Variants in CNNM1 observed in about 807,000 individuals in gnomAD.
CNNM1 encodes the protein metal transporter CNNM1.
In CNNM1, 44 loss-of-function variants were observed where a neutral mutation model predicts 78.8. The ratio of observed to expected loss-of-function variants is 0.56; its 90% CI spans 0.44 to 0.72. The LOEUF (loss-of-function observed/expected upper bound fraction) is 0.72. CNNM1 is among the 30% of genes least tolerant of loss of function. CNNM1 has a pLI of 0.00. For synonymous variants in CNNM1, 584 were observed against 581.5 expected (o/e 1.00, Z -0.06); for missense variants, 1,101 against 1,292.2 (o/e 0.85, Z 2.27).
At chr10:99,387,636 G>A (rs981948925) in intron 7 of CNNM1, among the ~76,000 whole-genome samples, 184 bp from the exon 8 acceptor site, 1 of 152,192 alleles carries the variant, frequency 6.6e-6, no homozygotes, top group Non-Finnish European at 1.5e-5. Context: ...GACCAGCAAA[G>A]GGCCGCCTCA....
At chr10:99,358,270 C>T (rs1230075839) in intron 2 of CNNM1, among the ~76,000 whole-genome samples, 1 of 152,218 alleles carries the variant, frequency 6.6e-6, no homozygotes, top group Non-Finnish European at 1.5e-5. Context: ...CTAACTCCCT[C>T]ACTCAGGAAC....
At position 99,362,292 on chromosome 10, in the gene CNNM1, A is replaced by G. The variant is rs367774976; in HGVS notation, c.1924A>G (p.Asn642Asp). 9.9e-6 allele frequency: 16 copies of G among 1,613,986 alleles called. No individual in the cohort carries two copies. In the African/African-American group the frequency reaches 2.1e-4, roughly 22 times the overall value. ...CCTGCTCCGGCTCCTGAAACATCCCAACGTGATCCAGGAGCTGAAGTTTGA... is the reference window on the plus strand; with the variant it reads ...CCTGCTCCGGCTCCTGAAACATCCCGACGTGATCCAGGAGCTGAAGTTTGA... The part of the protein sequence containing the change: ...KILLRLLKHP[N>D]VIQELKFDEK... The change falls in exon 4 of 11, where the codon AAC becomes GAC. Residue 642 changes from asparagine (N) to aspartate (D), a missense_variant. Asn to Asp is a conservative substitution (Grantham distance 23, BLOSUM62 1). Around this residue, in one of 3 missense-constraint regions of CNNM1, gnomAD observed 277 missense variants for 423.2 expected, o/e 0.65. Coordinates refer to ENST00000356713, the MANE Select transcript of CNNM1 (RefSeq NM_020348.3).
At position 99,381,764 on chromosome 10, in the gene CNNM1, A is replaced by G. The variant is rs1216409009; in HGVS notation, c.2340+4546A>G. On this transcript the variant is annotated intron_variant, in intron 7 of 10. Transcript: ENST00000356713. ...GTCTCAAAAAAAAAAACCAAAAAAC[A>G]AAAAAAAAACTTTGATTAAAATGGG... is the stretch of plus-strand genomic sequence containing the variant. Among the ~76,000 whole-genome samples, 4 of 134,630 alleles carry G rather than the reference A, an allele frequency of 3.0e-5. No individual in the cohort carries two copies. In the East Asian group the frequency reaches 5.8e-4, roughly 20 times the overall value. The allele number at this position is 134,630 out of a possible 152,430, so 88.3% of individuals were successfully genotyped here.
chr10:99,378,447 C>T (rs879913216), intron 7 of CNNM1, among the ~76,000 whole-genome samples: 4 of 152,172 alleles, frequency 2.6e-5, no homozygotes, highest in Non-Finnish European at 5.9e-5. Flanking sequence ...CTTTCCAGAA[C>T]GCACGCCTTC....
At chr10:99,391,317 C>T in intron 10 of CNNM1, 120 bp from the exon 11 acceptor site, 1 of 715,556 alleles carries the variant, frequency 1.4e-6, no homozygotes, top group Non-Finnish European at 2.4e-6. Flanking sequence ...TAGTTCTAAC[C>T]AAGCTGTCAA....
At chr10:99,377,000 T>G in intron 6 of CNNM1, 55 bp from the exon 7 acceptor site, 75 of 498,120 alleles carry the variant, frequency 1.5e-4, no homozygotes, top group Non-Finnish European at 2.4e-4. Context: ...TCCCTCCCCC[T>G]TCTTCCTCCC....
At chr10:99,381,845 CTTTT>C (rs1246262062) in intron 7 of CNNM1, among the ~76,000 whole-genome samples, 1 of 150,084 alleles carries the variant, frequency 6.7e-6, no homozygotes, top group Non-Finnish European at 1.5e-5. Context: ...ACACAAGTGT[CTTTT>C]TTGTTTTGAT....
intron 1 of CNNM1, among the ~76,000 whole-genome samples, chr10:99,356,592 G>GAAAGAA (rs2031208326): frequency 8.1e-6 from 1 of 124,220 alleles, no homozygotes; most frequent in Non-Finnish European, 1.7e-5. Flanking sequence ...AAGAAAGAAA[G>GAAAGAA]AAAGAAAGAA....
intron 1 of CNNM1, among the ~76,000 whole-genome samples, chr10:99,356,584 G>GAAAGAAAGAAAGAAAGAAAGAAAGA (rs2031204311): frequency 3.2e-5 from 2 of 63,442 alleles, no homozygotes; most frequent in Non-Finnish European, 8.1e-5. Context: ...AAGAAAGAAA[G>GAAAGAAAGAAAGAAAGAAAGAAAGA]AAAGAAAGAA....
intron 1 of CNNM1, among the ~76,000 whole-genome samples, chr10:99,333,781 C>T (rs1441962720): frequency 1.3e-5 from 2 of 152,174 alleles, no homozygotes; most frequent in East Asian, 3.8e-4. Context: ...ACTCTTATAT[C>T]CCCAGCACCT....
intron 1 of CNNM1, among the ~76,000 whole-genome samples, chr10:99,347,632 GAGTA>G (rs1196117177): frequency 8.3e-6 from 1 of 121,134 alleles, no homozygotes; most frequent in Non-Finnish European, 1.8e-5. Flanking sequence ...ATGTCACTGA[GAGTA>G]AGACCCAAAG....
intron 1 of CNNM1, among the ~76,000 whole-genome samples, chr10:99,356,589 AAAGAAAGAAAG>A (rs1351364775): frequency 1.6e-4 from 21 of 127,730 alleles, no homozygotes; most frequent in African/African-American, 6.9e-4. Context: ...AGAAAGAAAG[AAAGAAAGAAAG>A]AAAGAAAAGA....
Position 99,392,561 on chromosome 10 carries a change from T to C in CNNM1, c.*1045T>C, listed in dbSNP as rs1475644877. The stretch of plus-strand genomic sequence containing the variant: ...CCTTACTACACCCTAGCAGATCAGC[T>C]GAGTGTACTTTATTCCAAGAACTTA... On this transcript the variant is annotated 3_prime_UTR_variant, in exon 11 of 11. Transcript: ENST00000356713. The C allele has an allele frequency of 1.3e-5, 2 of 152,574 alleles. No homozygotes were observed. Among genetic ancestry groups the C allele is most frequent in the African/African-American group, 4.8e-5 (2 of 41,454 alleles). The allele number at this position is 152,574 out of a possible 1,614,324, so 9.5% of individuals were successfully genotyped here.
intron 1 of CNNM1, among the ~76,000 whole-genome samples, chr10:99,353,657 G>T (rs2031028050): frequency 6.6e-6 from 1 of 152,150 alleles, no homozygotes; most frequent in Non-Finnish European, 1.5e-5. Flanking sequence ...TGGTTTTCTT[G>T]TCTCTGTGAG....
Position 99,329,383 on chromosome 10 carries a change from G to C in CNNM1, c.-5G>C. The C allele has an allele frequency of 1.5e-6, 1 of 662,724 alleles. No homozygotes were observed. The highest frequency in any genetic ancestry group is 2.4e-6 in the Non-Finnish European group (1 of 415,198). 41.1% of individuals were successfully genotyped at this position (662,724 alleles called of 1,614,324 possible). On this transcript the variant is annotated 5_prime_UTR_variant, in exon 1 of 11. Coordinates refer to ENST00000356713, the MANE Select transcript of CNNM1 (RefSeq NM_020348.3). ...AGTATCACGTGCAGCTGCGCTGGGT[G>C]CAGGATGGCGGCGGCCGCGGCGGCG... is the stretch of plus-strand genomic sequence containing the variant.
chr10:99,387,077 T>C (rs1430359224), intron 7 of CNNM1, among the ~76,000 whole-genome samples: 1 of 152,210 alleles, frequency 6.6e-6, no homozygotes, highest in Non-Finnish European at 1.5e-5. Context: ...TGCCAGTCTG[T>C]TATGTACACC....
intron 1 of CNNM1, among the ~76,000 whole-genome samples, chr10:99,356,128 C>T (rs1195560383): frequency 6.6e-6 from 1 of 152,186 alleles, no homozygotes; most frequent in East Asian, 1.9e-4. Context: ...CTCTGCTTCA[C>T]AGTGTCTGGG....
At chr10:99,356,203 C>T (rs1192698812) in intron 1 of CNNM1, among the ~76,000 whole-genome samples, 1 of 151,980 alleles carries the variant, frequency 6.6e-6, no homozygotes, top group Admixed American at 6.6e-5. Flanking sequence ...TGCCTGTAAT[C>T]CCCGCACTTT....
chr10:99,329,906 G>C lies in CNNM1; in HGVS notation c.519G>C (p.Glu173Asp). 1 of 1,385,844 alleles carries C rather than the reference G, an allele frequency of 7.2e-7. No homozygotes were observed. Among genetic ancestry groups the C allele is most frequent in the Non-Finnish European group, 9.3e-7 (1 of 1,077,794 alleles). 85.8% of individuals were successfully genotyped at this position (1,385,844 alleles called of 1,614,324 possible). The change falls in exon 1 of 11, where the codon GAG becomes GAC. Residue 173 changes from glutamate to aspartate, a missense_variant. Physicochemically the swap from Glu to Asp is conservative, Grantham distance 45 (BLOSUM62 2). Transcript: ENST00000356713. ...RVRELRKGEA[E>D]RGGAGGGGKL... is the part of the protein sequence containing the mutation. ...GGGAGCTGCGCAAGGGCGAAGCGGA[G>C]CGGGGCGGCGCGGGCGGTGGCGGGA...
Sources: gnomAD v4.1 joint callset for allele counts (sites outside exome capture counted in the v4.1 genomes callset) on GRCh38, gnomAD v4.1.1 for gene constraint, gnomAD v4.1.1 regional missense constraint, MANE v1.5 for transcripts, NCBI Gene and HGNC (gene_info 2026-07-23, HGNC 2026-07-21) for gene names.